The following SPOCK3 variants were observed in gnomAD, a reference collection of about 807,000 sequenced individuals.
SPOCK3 encodes the protein testican-3.
In SPOCK3, 30 loss-of-function variants were observed where a neutral mutation model predicts 56.6. The observed-to-expected ratio is 0.53, with a 90% CI of 0.40 to 0.72. SPOCK3 has a LOEUF of 0.72. Ranked by LOEUF, SPOCK3 falls within the 30% of genes least tolerant of loss-of-function variation. The pLI is 0.00. For missense variants in SPOCK3, 527 were observed against 530.0 expected, an observed-to-expected ratio of 0.99 and a Z score of 0.06; for synonymous variants, 196 against 183.3, an observed-to-expected ratio of 1.07 and a Z score of -0.56.
chr4:167,218,257 T>C (rs1735561029), intron 2 of SPOCK3, among the ~76,000 whole-genome samples: 1 of 152,170 alleles, frequency 6.6e-6, no homozygotes, highest in Non-Finnish European at 1.5e-5. Flanking sequence ...AGTAAGTGTC[T>C]GAGATCCCCA....
intron 7 of SPOCK3, among the ~76,000 whole-genome samples, chr4:166,755,258 TA>T (rs1202017713): frequency 6.6e-6 from 1 of 152,134 alleles, no homozygotes; most frequent in Admixed American, 6.6e-5. Flanking sequence ...AGAGAAAGAA[TA>T]ATCATCATGT....
chr4:166,889,098 T>C (rs1455458235), intron 6 of SPOCK3, 32 bp downstream of exon 6: 2 of 1,290,170 alleles, frequency 1.6e-6, no homozygotes, highest in East Asian at 2.3e-5. Flanking sequence ...GAGTGATGAA[T>C]GTAAAATTAT....
chr4:167,149,007 C>A (rs1764196386), intron 2 of SPOCK3, among the ~76,000 whole-genome samples: 1 of 152,004 alleles, frequency 6.6e-6, no homozygotes, highest in Admixed American at 6.6e-5. Context: ...TTTTGAATAT[C>A]TATCATATAA....
intron 2 of SPOCK3, among the ~76,000 whole-genome samples, chr4:167,079,482 C>G (rs1374490618): frequency 6.6e-6 from 1 of 151,718 alleles, no homozygotes; most frequent in Non-Finnish European, 1.5e-5. Context: ...GAATCAGCAT[C>G]CAATAGAAAT....
intron 2 of SPOCK3, among the ~76,000 whole-genome samples, chr4:167,078,200 C>A (rs1018014614): frequency 3.3e-5 from 5 of 151,708 alleles, no homozygotes; most frequent in African/African-American, 1.2e-4. Context: ...ATAAAGAAAT[C>A]TAGAAACTAC....
chr4:166,848,678 T>C (rs1031348727), intron 6 of SPOCK3, among the ~76,000 whole-genome samples: 3 of 152,202 alleles, frequency 2.0e-5, no homozygotes, highest in Non-Finnish European at 4.4e-5. Context: ...TGCTACTCTT[T>C]GGTTCAGAGC....
rs1188451029 is a variant in SPOCK3 at position 166,750,352 on chromosome 4, G to A, written c.931+4156C>T. On this transcript the variant is annotated intron_variant, in intron 8 of 10. Transcript: ENST00000357545. ...GACTATTAGGTCTACACAGGGTAAGGACTAATAGGTCAGCTTAGGGTAGAG... is the reference window on the plus strand; with the variant it reads ...GACTATTAGGTCTACACAGGGTAAGAACTAATAGGTCAGCTTAGGGTAGAG... Among the ~76,000 whole-genome samples the A allele has an allele frequency of 3.3e-5, 5 of 152,090 alleles. No homozygotes were observed. In the South Asian group the frequency reaches 6.2e-4, roughly 19 times the overall value.
At chr4:167,041,736 G>T (rs1753251457) in intron 3 of SPOCK3, among the ~76,000 whole-genome samples, 2 of 152,110 alleles carry the variant, frequency 1.3e-5, no homozygotes, top group African/African-American at 4.8e-5. Flanking sequence ...TATGTTTCAA[G>T]ATAGATGGAA....
chr4:167,144,855 C>T (rs1449070489), intron 2 of SPOCK3, among the ~76,000 whole-genome samples: 1 of 151,732 alleles, frequency 6.6e-6, no homozygotes, highest in African/African-American at 2.4e-5. Context: ...AGCAGAAAGC[C>T]AGAGAGCAGA....
At chr4:166,903,116 ATTAT>A (rs1441665839) in intron 5 of SPOCK3, among the ~76,000 whole-genome samples, 7 of 147,270 alleles carry the variant, frequency 4.8e-5, no homozygotes, top group Non-Finnish European at 9.0e-5. Flanking sequence ...TTATTTATAA[ATTAT>A]TTATAATATA....
At chr4:166,780,487 C>T (rs62355209) in intron 7 of SPOCK3, among the ~76,000 whole-genome samples, 26,999 of 151,966 alleles carry the variant, frequency 0.18, 2,535 homozygotes, top group East Asian at 0.27. Flanking sequence ...AAGGTATGAA[C>T]TCCCATCCAC....
At chr4:166,889,360 C>A in intron 5 of SPOCK3, 116 bp from the exon 6 acceptor site, 1 of 639,438 alleles carries the variant, frequency 1.6e-6, no homozygotes, top group South Asian at 1.9e-5. Flanking sequence ...GATTTTTCCA[C>A]CAGGTAATAC....
At chr4:166,922,320 A>C (rs1045164288) in intron 4 of SPOCK3, among the ~76,000 whole-genome samples, 43 of 152,204 alleles carry the variant, frequency 2.8e-4, no homozygotes, top group African/African-American at 8.7e-4. Context: ...TGGACAAAAA[A>C]GTAGGAGTAG....
chr4:166,750,284 G>C (rs945034305), intron 8 of SPOCK3, among the ~76,000 whole-genome samples: 2 of 152,194 alleles, frequency 1.3e-5, no homozygotes, highest in Middle Eastern at 3.4e-3. Context: ...CTAGATAAAA[G>C]AATAGTAACC....
At chr4:167,043,814 A>G (rs1158440458) in intron 3 of SPOCK3, among the ~76,000 whole-genome samples, 1 of 151,850 alleles carries the variant, frequency 6.6e-6, no homozygotes, top group East Asian at 1.9e-4. Flanking sequence ...TTAATCTTAT[A>G]ATACATTTTT....
At chr4:166,850,526 A>G (rs1748569521) in intron 6 of SPOCK3, among the ~76,000 whole-genome samples, 2 of 152,188 alleles carry the variant, frequency 1.3e-5, no homozygotes, top group South Asian at 4.1e-4. Flanking sequence ...CGCAGAAGAC[A>G]GGTGATTTCT....
At chr4:167,123,226 A>G (rs1442041185) in intron 2 of SPOCK3, among the ~76,000 whole-genome samples, 4 of 152,156 alleles carry the variant, frequency 2.6e-5, no homozygotes, top group African/African-American at 9.6e-5. Flanking sequence ...AAAGCAGCCT[A>G]TTATAAATGA....
At position 166,734,698 on chromosome 4, in the gene SPOCK3, C is replaced by CAT; in HGVS notation, c.*221_*222dup. The stretch of plus-strand genomic sequence containing the variant: ...AACTTTATTTTGTCTGACTAGACTG[C>CAT]ATATGTATTTTCTTTTTGTGTAAGG... On this transcript the variant is annotated 3_prime_UTR_variant, in exon 11 of 11. Transcript: ENST00000357545. 1 of 425,952 alleles carries CAT rather than the reference C, an allele frequency of 2.3e-6. No individual in the cohort carries two copies. The highest frequency in any genetic ancestry group is 4.1e-6 in the Non-Finnish European group (1 of 243,052). 26.4% of individuals were successfully genotyped at this position (425,952 alleles called of 1,614,324 possible).
intron 10 of SPOCK3, among the ~76,000 whole-genome samples, chr4:166,735,711 G>A (rs1037364703): frequency 6.6e-6 from 1 of 151,986 alleles, no homozygotes; most frequent in African/African-American, 2.4e-5. Context: ...ACCAAGGGAT[G>A]AGAGCTACCT....
Sources: allele counts gnomAD v4.1 joint callset (sites outside exome capture counted in the v4.1 genomes callset), GRCh38; gene constraint gnomAD v4.1.1; transcripts MANE v1.5; gene names NCBI Gene and HGNC (gene_info 2026-07-23, HGNC 2026-07-21).